The following GNAL variants were observed in gnomAD, a reference collection of about 807,000 sequenced individuals.
GNAL encodes the protein guanine nucleotide-binding protein G(olf) subunit alpha.
Under a neutral mutation model 55.1 loss-of-function variants are expected in GNAL, and 18 were observed. The ratio of observed to expected loss-of-function variants is 0.33; its 90% CI spans 0.23 to 0.48. GNAL has a LOEUF of 0.48. Among genes scored for constraint, GNAL ranks in the 20% least tolerant of loss-of-function variants. The pLI is 0.99. For synonymous variants in GNAL, 253 were observed against 237.0 expected (o/e 1.07, Z -0.62); for missense variants, 412 against 614.1 (o/e 0.67, Z 3.48).
At chr18:11,812,156 A>G (rs1016277240) in intron 4 of GNAL, among the ~76,000 whole-genome samples, 3 of 152,244 alleles carry the variant, frequency 2.0e-5, no homozygotes, top group African/African-American at 7.2e-5. Flanking sequence ...TCTATGTTCC[A>G]TCACTGGAGA....
At chr18:11,746,931 C>A (rs1238513279) in intron 1 of GNAL, 3 of 536,918 alleles carry the variant, frequency 5.6e-6, no homozygotes, top group Non-Finnish European at 1.1e-5. Context: ...TAGGACATTA[C>A]AACAGTTTGC....
At chr18:11,765,691 C>T (rs2033383417) in intron 4 of GNAL, among the ~76,000 whole-genome samples, 1 of 152,120 alleles carries the variant, frequency 6.6e-6, no homozygotes, top group East Asian at 1.9e-4. Flanking sequence ...GGCTTGTTTC[C>T]CCTAACACAA....
chr18:11,753,052 A>T (rs1397806328), intron 2 of GNAL, 127 bp downstream of exon 2: 1 of 596,092 alleles, frequency 1.7e-6, no homozygotes, highest in Non-Finnish European at 3.0e-6. Flanking sequence ...GGGGGAAAAA[A>T]TTAGATATTT....
intron 1 of GNAL, among the ~76,000 whole-genome samples, chr18:11,691,903 A>G (rs1311087113): frequency 6.6e-6 from 1 of 152,140 alleles, no homozygotes; most frequent in Non-Finnish European, 1.5e-5. Context: ...CAGCGTTTTC[A>G]AGGAACCAAA....
rs149540014 is a variant in GNAL, at chr18:11,882,219, TC to T, written c.*1085del. The stretch of plus-strand genomic sequence containing the variant: ...CTCAATTCAGGGGTACAAATTGCAA[TC>T]TAATCTTTTCAGGGAACCAGGGATT... On this transcript the variant is annotated 3_prime_UTR_variant, in exon 12 of 12. Coordinates refer to ENST00000334049, the MANE Select transcript of GNAL (RefSeq NM_182978.4). 6.6e-6 allele frequency: 1 copy of T among 151,870 alleles called. No individual in the cohort carries two copies. The highest frequency in any genetic ancestry group is 1.9e-4 in the East Asian group (1 of 5,180). 9.4% of individuals were successfully genotyped at this position (151,870 alleles called of 1,614,324 possible).
chr18:11,824,269 G>A (rs942403190), intron 4 of GNAL, among the ~76,000 whole-genome samples: 1 of 122,980 alleles, frequency 8.1e-6, no homozygotes, highest in African/African-American at 2.9e-5. Flanking sequence ...AGATGGGGGG[G>A]GGGTTCAATG....
chr18:11,766,895 G>C (rs2033423318), intron 4 of GNAL, among the ~76,000 whole-genome samples: 1 of 152,208 alleles, frequency 6.6e-6, no homozygotes, highest in Non-Finnish European at 1.5e-5. Flanking sequence ...TGTAGGTTCA[G>C]CGTGGCTAAT....
At chr18:11,728,071 C>A (rs923135900) in intron 1 of GNAL, among the ~76,000 whole-genome samples, 3 of 151,862 alleles carry the variant, frequency 2.0e-5, no homozygotes, top group Non-Finnish European at 4.4e-5. Context: ...TATAAAAAAT[C>A]AAAAAATTAG....
At chr18:11,746,032 G>T (rs978921987) in intron 1 of GNAL, 3 of 341,772 alleles carry the variant, frequency 8.8e-6, no homozygotes, top group East Asian at 6.8e-5. Context: ...GTTTAAAGCC[G>T]TAACAGAAGA....
At chr18:11,778,110 C>T (rs981115282) in intron 4 of GNAL, among the ~76,000 whole-genome samples, 1 of 152,164 alleles carries the variant, frequency 6.6e-6, no homozygotes, top group South Asian at 2.1e-4. Flanking sequence ...GAGAGGGACT[C>T]TCATACTTAC....
At chr18:11,798,678 T>G (rs1025910941) in intron 4 of GNAL, among the ~76,000 whole-genome samples, 1 of 152,252 alleles carries the variant, frequency 6.6e-6, no homozygotes, top group African/African-American at 2.4e-5. Flanking sequence ...TTATATACTT[T>G]GAATATAATT....
Position 11,734,859 on chromosome 18 carries a change from G to A in GNAL, c.377-17994G>A, listed in dbSNP as rs138179982. Among the ~76,000 whole-genome samples, 121 of 149,516 alleles carry A rather than the reference G, an allele frequency of 8.1e-4. 1 individual carries two copies. Among genetic ancestry groups the A allele is most frequent in the Non-Finnish European group, 1.4e-3 (94 of 67,620 alleles). Reference sequence around the variant, plus strand: ...CAGGCAGGAAGCTAAAGGGCAAATGGCATTTAGACCAGCGTCCCCTATCTG... The same window carrying A: ...CAGGCAGGAAGCTAAAGGGCAAATGACATTTAGACCAGCGTCCCCTATCTG... On this transcript the variant is annotated intron_variant, in intron 1 of 11. Coordinates refer to ENST00000334049, the MANE Select transcript of GNAL (RefSeq NM_182978.4).
At chr18:11,854,763 A>G (rs1036597573) in intron 5 of GNAL, among the ~76,000 whole-genome samples, 3 of 152,166 alleles carry the variant, frequency 2.0e-5, no homozygotes, top group Non-Finnish European at 4.4e-5. Flanking sequence ...CCTGCGCAAC[A>G]AGGATGAAAC....
intron 1 of GNAL, among the ~76,000 whole-genome samples, chr18:11,715,460 CAAAAAA>C (rs34339537): frequency 3.0e-5 from 2 of 67,742 alleles, no homozygotes; most frequent in East Asian, 5.9e-4. Context: ...GACTCCATCT[CAAAAAA>C]AAAAAAAAAA....
chr18:11,733,582 AT>A (rs2032391192), intron 1 of GNAL, among the ~76,000 whole-genome samples: 1 of 152,244 alleles, frequency 6.6e-6, no homozygotes, highest in Non-Finnish European at 1.5e-5. Flanking sequence ...CTTATACACT[AT>A]GGAATACTAT....
At position 11,738,838 on chromosome 18, in the gene GNAL, G is replaced by A. The variant is rs113645345; in HGVS notation, c.377-14015G>A. ...TTGGAAAATTGTGTAGTATGAGTCC[G>A]TGCAGAGCGGGTGAGGATGAGGAGG... On this transcript the variant is annotated intron_variant, in intron 1 of 11. Coordinates refer to ENST00000334049, the MANE Select transcript of GNAL (RefSeq NM_182978.4). Among the ~76,000 whole-genome samples, 993 of 152,274 alleles carry A rather than the reference G, an allele frequency of 6.5e-3. 10 individuals carry two copies. Among genetic ancestry groups the A allele is most frequent in the African/African-American group, 0.022 (935 of 41,556 alleles).
At chr18:11,732,869 G>T (rs2032370342) in intron 1 of GNAL, among the ~76,000 whole-genome samples, 1 of 152,230 alleles carries the variant, frequency 6.6e-6, no homozygotes, top group African/African-American at 2.4e-5. Context: ...CAGAAGCACA[G>T]GGAAATTCAC....
At chr18:11,799,834 T>A (rs747601908) in intron 4 of GNAL, among the ~76,000 whole-genome samples, 15 of 152,084 alleles carry the variant, frequency 9.9e-5, no homozygotes, top group Admixed American at 2.0e-4. Flanking sequence ...ATGCCCCACT[T>A]TTCCTTGTCC....
At chr18:11,880,578 AAT>A (rs1284201001) in intron 11 of GNAL, among the ~76,000 whole-genome samples, 1 of 152,196 alleles carries the variant, frequency 6.6e-6, no homozygotes, top group African/African-American at 2.4e-5. Flanking sequence ...CAGTCTCAAA[AAT>A]ATATAAATAA....
Sources: allele counts gnomAD v4.1 joint callset (sites outside exome capture counted in the v4.1 genomes callset), GRCh38; gene constraint gnomAD v4.1.1; transcripts MANE v1.5; gene names NCBI Gene and HGNC (gene_info 2026-07-23, HGNC 2026-07-21).